Variants in KIAA1549L observed in about 807,000 individuals in gnomAD.
KIAA1549L encodes the protein UPF0606 protein KIAA1549L.
A neutral mutation model predicts 160.7 loss-of-function variants in KIAA1549L; 88 were observed. That is an observed-to-expected ratio of 0.55 (90% CI 0.46 to 0.65). The LOEUF is 0.65. Ranked by LOEUF, KIAA1549L falls within the 30% of genes least tolerant of loss-of-function variation. The pLI is 0.00. For missense variants in KIAA1549L, 2,258 were observed against 2,437.5 expected (o/e 0.93, Z 1.55); for synonymous variants, 950 against 976.7 (o/e 0.97, Z 0.51).
chr11:33,591,546 A>T (rs907968764), intron 12 of KIAA1549L, 125 bp downstream of exon 12: 10 of 757,682 alleles, frequency 1.3e-5, no homozygotes, highest in Middle Eastern at 5.4e-4. Context: ...CTCATTTTGA[A>T]TATTTGAAAA....
At chr11:33,586,120 A>T (rs1849862801) in intron 11 of KIAA1549L, among the ~76,000 whole-genome samples, 2 of 152,206 alleles carry the variant, frequency 1.3e-5, no homozygotes, top group Admixed American at 6.5e-5. Flanking sequence ...TGTGAACAGA[A>T]TTCAATTATT....
At chr11:33,576,313 C>T (rs994148382) in intron 10 of KIAA1549L, among the ~76,000 whole-genome samples, 5 of 152,134 alleles carry the variant, frequency 3.3e-5, no homozygotes, top group East Asian at 1.9e-4. Flanking sequence ...TTGTCTTGCT[C>T]GGCCGGCATA....
intron 1 of KIAA1549L, among the ~76,000 whole-genome samples, chr11:33,466,969 G>C (rs1159738921): frequency 6.6e-6 from 1 of 151,354 alleles, no homozygotes; most frequent in African/African-American, 2.4e-5. Context: ...GGGCCTGTTG[G>C]GGGGTGGGGG....
intron 1 of KIAA1549L, among the ~76,000 whole-genome samples, chr11:33,533,044 G>T (rs1004596947): frequency 1.4e-4 from 22 of 152,172 alleles, no homozygotes; most frequent in African/African-American, 5.1e-4. Context: ...CAGACTCTGG[G>T]GTCTGTGATA....
At chr11:33,633,639 G>A (rs1033212862) in intron 16 of KIAA1549L, among the ~76,000 whole-genome samples, 3 of 152,270 alleles carry the variant, frequency 2.0e-5, no homozygotes, top group South Asian at 2.1e-4. Context: ...AGCAAAACGC[G>A]AATTAGCTTT....
Position 33,660,863 on chromosome 11 carries a change from G to A in KIAA1549L, c.6008G>A (p.Gly2003Asp). ...QLDQSALNYS[G>D]NTVPAVFAIP... Reference sequence around the variant, plus strand: ...CCCTCCTCCATTTCCTCCATGCCAGGTAATACGGTGCCAGCAGTGTTCGCC... The same window carrying A: ...CCCTCCTCCATTTCCTCCATGCCAGATAATACGGTGCCAGCAGTGTTCGCC... Residue 2003 changes from glycine to aspartate, a missense_variant and splice_region_variant, in exon 20 of 21, where the codon GGT becomes GAT. Around this residue, in one of 6 missense-constraint regions of KIAA1549L, gnomAD observed 1,359 missense variants for 1,546.6 expected, o/e 0.88. Coordinates refer to ENST00000658780, the MANE Select transcript of KIAA1549L (RefSeq NM_012194.3). The A allele has an allele frequency of 1.2e-6, 2 of 1,613,666 alleles. No homozygotes were observed. The highest frequency in any genetic ancestry group is 1.7e-6 in the Non-Finnish European group (2 of 1,179,760).
rs371952557 is a variant in KIAA1549L, at chr11:33,568,152, C to G, written c.4155C>G (p.Ala1385=). 6.2e-7 allele frequency: 1 copy of G among 1,613,288 alleles called. No individual in the cohort carries two copies. The highest frequency in any genetic ancestry group is 1.3e-5 in the African/African-American group (1 of 74,896). ...SFARVMEQRL[A]QLFMMSQQQG... ...CCCGGGTCATGGAGCAGCGCCTGGCCCAGCTATTCATGATGTCCCAGCAAC... is the reference window on the plus strand; with the variant it reads ...CCCGGGTCATGGAGCAGCGCCTGGCGCAGCTATTCATGATGTCCCAGCAAC... Residue 1385 remains alanine (A), a synonymous_variant, in exon 9 of 21, where the codon GCC becomes GCG. Coordinates refer to ENST00000658780, the MANE Select transcript of KIAA1549L (RefSeq NM_012194.3).
intron 1 of KIAA1549L, among the ~76,000 whole-genome samples, chr11:33,463,472 T>A (rs1295361358): frequency 6.6e-6 from 1 of 152,110 alleles, no homozygotes; most frequent in African/African-American, 2.4e-5. Flanking sequence ...TAAAAATTAA[T>A]AATAAATACC....
chr11:33,518,138 C>CAAAAAAAAAAA (rs560876643), intron 1 of KIAA1549L, among the ~76,000 whole-genome samples: 114 of 59,404 alleles, frequency 1.9e-3, no homozygotes, highest in African/African-American at 4.1e-3. Flanking sequence ...GACTCTGTCT[C>CAAAAAAAAAAA]AAAAAAAAAA....
rs147462712 is a variant in KIAA1549L at position 33,521,929 on chromosome 11, G to A, written c.239-19873G>A. Among the ~76,000 whole-genome samples the A allele has an allele frequency of 1.2e-4, 19 of 152,288 alleles. No individual in the cohort carries two copies. The East Asian group carries it at 3.5e-3, about 28-fold the overall frequency. On this transcript the variant is annotated intron_variant, in intron 1 of 20. Transcript: ENST00000658780. Reference sequence around the variant, plus strand: ...AGGTAAGCTGAGGCATTAGGAGATAGAAATAGAACTTTCGTTGATGGAGCA... The same window carrying A: ...AGGTAAGCTGAGGCATTAGGAGATAAAAATAGAACTTTCGTTGATGGAGCA...
At chr11:33,570,909 A>G (rs1203909148) in intron 9 of KIAA1549L, among the ~76,000 whole-genome samples, 1 of 152,230 alleles carries the variant, frequency 6.6e-6, no homozygotes, top group African/African-American at 2.4e-5. Context: ...CGAAAAGGGC[A>G]CTTTCAAACA....
chr11:33,614,533 TATATATATATATATA>T (rs1850730535), intron 15 of KIAA1549L, among the ~76,000 whole-genome samples: 1 of 2,490 alleles, frequency 4.0e-4, no homozygotes, highest in East Asian at 6.1e-3. Context: ...TGTAACAAGA[TATATATATATATATA>T]TATATATATA....
intron 16 of KIAA1549L, among the ~76,000 whole-genome samples, chr11:33,629,083 T>A (rs1851201364): frequency 6.6e-6 from 1 of 152,024 alleles, no homozygotes; most frequent in African/African-American, 2.4e-5. Flanking sequence ...GGGTTGAAAA[T>A]TCTTTTCTTT....
At position 33,414,846 on chromosome 11, in the gene KIAA1549L, A is replaced by G. The variant is rs527612677; in HGVS notation, c.238+37957A>G. 3.9e-5 allele frequency among the ~76,000 whole-genome samples: 6 copies of G among 152,062 alleles called. No homozygotes were observed. The South Asian group carries it at 1.3e-3, about 32-fold the overall frequency. On this transcript the variant is annotated intron_variant, in intron 1 of 20. Transcript: ENST00000658780. ...GTGTGTGAGTGAGTGTGTGTGAGAG[A>G]GAGAGAGACCTATTCATGTCCTTTC...
chr11:33,660,764 G>A (rs928824298), intron 19 of KIAA1549L, 99 bp from the exon 20 acceptor site: 17 of 1,186,258 alleles, frequency 1.4e-5, no homozygotes, highest in Non-Finnish European at 2.0e-5. Flanking sequence ...CCAGCAGCCA[G>A]CCAGGGAGCC....
At chr11:33,478,135 C>T (rs77012542) in intron 1 of KIAA1549L, among the ~76,000 whole-genome samples, 2,899 of 152,296 alleles carry the variant, frequency 0.019, 80 homozygotes, top group African/African-American at 0.062. Context: ...ACCAACCTAG[C>T]GACATTAAAA....
At chr11:33,453,340 G>A (rs578014152) in intron 1 of KIAA1549L, among the ~76,000 whole-genome samples, 4 of 152,276 alleles carry the variant, frequency 2.6e-5, no homozygotes, top group East Asian at 1.9e-4. Flanking sequence ...AGGGAATGGA[G>A]GGTAATAATT....
intron 1 of KIAA1549L, among the ~76,000 whole-genome samples, chr11:33,472,379 C>T (rs1412462451): frequency 6.6e-6 from 1 of 151,542 alleles, no homozygotes; most frequent in African/African-American, 2.4e-5. Flanking sequence ...TTTCGGCCTC[C>T]CAAAACACTA....
At chr11:33,568,261 T>C in intron 9 of KIAA1549L, 34 bp downstream of exon 9, 1 of 1,523,938 alleles carries the variant, frequency 6.6e-7, no homozygotes, top group South Asian at 1.2e-5. Context: ...GGTTTTCTAA[T>C]AACTGGGGGT....
Sources: allele counts gnomAD v4.1 joint callset (sites outside exome capture counted in the v4.1 genomes callset), GRCh38; gene constraint gnomAD v4.1.1; regional missense constraint gnomAD v4.1.1; transcripts MANE v1.5; gene names NCBI Gene and HGNC (gene_info 2026-07-23, HGNC 2026-07-21).